The following NFIA variants were observed in gnomAD, a reference collection of about 807,000 sequenced individuals.
NFIA encodes the protein nuclear factor 1 A-type.
A neutral mutation model predicts 62.8 loss-of-function variants in NFIA; 8 were observed. That is an observed-to-expected ratio of 0.13 (90% CI 0.07 to 0.23). The LOEUF (loss-of-function observed/expected upper bound fraction) is 0.23. Among genes scored for constraint, NFIA ranks in the 10% least tolerant of loss-of-function variants. The pLI is 1.00. For synonymous variants in NFIA, 235 were observed against 238.1 expected (o/e 0.99, Z 0.12); for missense variants, 410 against 642.1 (o/e 0.64, Z 3.91).
At chr1:61,402,061 G>A (rs1398885781) in intron 7 of NFIA, among the ~76,000 whole-genome samples, 1 of 86,050 alleles carries the variant, frequency 1.2e-5, no homozygotes, top group East Asian at 5.9e-4. Flanking sequence ...TTTTTGAGAC[G>A]GAGTCTCCCT....
At chr1:61,099,315 C>G (rs1381308755) in intron 2 of NFIA, among the ~76,000 whole-genome samples, 1 of 152,070 alleles carries the variant, frequency 6.6e-6, no homozygotes, top group Non-Finnish European at 1.5e-5. Flanking sequence ...TGGAGGGAAA[C>G]AGACAGATTG....
At chr1:61,328,723 A>ATT (rs35979153) in intron 3 of NFIA, among the ~76,000 whole-genome samples, 1,481 of 108,904 alleles carry the variant, frequency 0.014, 40 homozygotes, top group African/African-American at 0.046. Context: ...CCGGCCTATA[A>ATT]TTTTTTTTTT....
intron 5 of NFIA, among the ~76,000 whole-genome samples, chr1:61,358,390 T>C (rs1255622271): frequency 7.4e-6 from 1 of 134,300 alleles, no homozygotes; most frequent in African/African-American, 2.9e-5. Flanking sequence ...TTTTTTTTTT[T>C]TTTTTTTTTT....
intron 2 of NFIA, among the ~76,000 whole-genome samples, chr1:61,212,161 A>T (rs1653306574): frequency 6.6e-6 from 1 of 152,218 alleles, no homozygotes; most frequent in Non-Finnish European, 1.5e-5. Flanking sequence ...GGGATAAGCA[A>T]GCAAGGAACT....
chr1:61,158,829 CTT>C (rs1648985358), intron 2 of NFIA, among the ~76,000 whole-genome samples: 1 of 152,198 alleles, frequency 6.6e-6, no homozygotes, highest in Admixed American at 6.5e-5. Flanking sequence ...TATTTAAATA[CTT>C]CCAGTTGTGA....
intron 2 of NFIA, among the ~76,000 whole-genome samples, chr1:61,118,239 G>GA (rs1646826613): frequency 6.6e-6 from 1 of 151,538 alleles, no homozygotes; most frequent in South Asian, 2.1e-4. Context: ...TCTGGCTAAA[G>GA]AAAGGAAAAG....
chr1:61,197,850 G>C (rs1652140820), intron 2 of NFIA, among the ~76,000 whole-genome samples: 1 of 151,862 alleles, frequency 6.6e-6, no homozygotes, highest in Admixed American at 6.6e-5. Context: ...GCTTGGTGGT[G>C]GGTGCCAGTA....
In NFIA at chr1:61,455,958, A is replaced by G. The variant is rs1668285475; in HGVS notation, c.*638A>G. The G allele has an allele frequency of 6.5e-6, 1 of 152,772 alleles. No homozygotes were observed. Among genetic ancestry groups the G allele is most frequent in the South Asian group, 2.1e-4 (1 of 4,828 alleles). The allele number at this position is 152,772 out of a possible 1,614,324, so 9.5% of individuals were successfully genotyped here. On this transcript the variant is annotated 3_prime_UTR_variant, in exon 11 of 11. Transcript: ENST00000403491. ...GCCCGCAAGGACAATGAATCCACTCACATTGCAGAACAATTCCGAAAATGG... is the reference window on the plus strand; with the variant it reads ...GCCCGCAAGGACAATGAATCCACTCGCATTGCAGAACAATTCCGAAAATGG...
intron 9 of NFIA, 75 bp from the exon 10 acceptor site, chr1:61,426,390 A>C: frequency 1.0e-6 from 1 of 980,130 alleles, no homozygotes; most frequent in Non-Finnish European, 1.6e-6. Flanking sequence ...CGGCTCGGAG[A>C]CTGTGTGTTT....
At chr1:61,163,378 G>C (rs1468473214) in intron 2 of NFIA, among the ~76,000 whole-genome samples, 1 of 152,108 alleles carries the variant, frequency 6.6e-6, no homozygotes, top group African/African-American at 2.4e-5. Flanking sequence ...TTTTGGATCA[G>C]TTCTTTTCTT....
Position 61,458,905 on chromosome 1 carries a change from G to A in NFIA, c.*3585G>A, listed in dbSNP as rs1668420399. On this transcript the variant is annotated 3_prime_UTR_variant, in exon 11 of 11. Coordinates refer to ENST00000403491, the MANE Select transcript of NFIA (RefSeq NM_001134673.4). The stretch of plus-strand genomic sequence containing the variant: ...ATTTGCAGGAAAAAATGTTTTAAAG[G>A]CTTTAAAACATTAGGGAGGCAGTCT... 1 of 152,024 alleles carries A rather than the reference G, an allele frequency of 6.6e-6. No homozygotes were observed. The highest frequency in any genetic ancestry group is 1.5e-5 in the Non-Finnish European group (1 of 68,004). The allele number at this position is 152,024 out of a possible 1,614,324, so 9.4% of individuals were successfully genotyped here. A position where few individuals can be genotyped will look rare whatever the true frequency, so the allele number is the denominator to read the frequency against.
Position 61,088,645 on chromosome 1 carries a change from T to C in NFIA, c.524T>C (p.Leu175Pro). ...PHHIGVSVKE[L>P]DLYLAYFVHA... is the part of the protein sequence containing the mutation. ...CACATAGGGGTTTCTGTTAAGGAAC[T>C]CGATTTATATTTGGCATACTTTGTG... Residue 175 changes from leucine (L) to proline (P), a missense_variant, in exon 2 of 11, where the codon CTC becomes CCC. This residue lies in a region of NFIA where 298 missense variants were observed against 438.1 expected (regional missense o/e 0.68). Coordinates refer to ENST00000403491, the MANE Select transcript of NFIA (RefSeq NM_001134673.4). This position sits in a 1 kb window ranked among gnomAD's most constrained non-coding sequence, Gnocchi z 4.5. 6.2e-7 allele frequency: 1 copy of C among 1,613,780 alleles called. No homozygotes were observed. The highest frequency in any genetic ancestry group is 8.5e-7 in the Non-Finnish European group (1 of 1,179,828).
intron 2 of NFIA, among the ~76,000 whole-genome samples, chr1:61,210,719 A>T (rs1004639423): frequency 1.3e-5 from 2 of 152,228 alleles, no homozygotes; most frequent in African/African-American, 4.8e-5. Flanking sequence ...TCACTTGTAG[A>T]GAGGGATGAT....
In NFIA at chr1:61,460,414, T is replaced by C. The variant is rs1021166238; in HGVS notation, c.*5094T>C. On this transcript the variant is annotated 3_prime_UTR_variant, in exon 11 of 11. Transcript: ENST00000403491. Reference sequence around the variant, plus strand: ...TAATGTTTAATGCAAATCCATTACATGGTGCTATTATAGGCTGACAAAATG... The same window carrying C: ...TAATGTTTAATGCAAATCCATTACACGGTGCTATTATAGGCTGACAAAATG... 1.2e-4 allele frequency: 19 copies of C among 152,220 alleles called. No homozygotes were observed. The allele number at this position is 152,220 out of a possible 1,614,324, so 9.4% of individuals were successfully genotyped here. A position where few individuals can be genotyped will look rare whatever the true frequency, so the allele number is the denominator to read the frequency against.
rs561425259 is a variant in NFIA, at chr1:61,460,573, A to C, written c.*5253A>C. Reference sequence around the variant, plus strand: ...AAAAACTATATCAACTTTGGTATCTACTTTCCGTTTACTTCAATCCTTGCC... The same window carrying C: ...AAAAACTATATCAACTTTGGTATCTCCTTTCCGTTTACTTCAATCCTTGCC... On this transcript the variant is annotated 3_prime_UTR_variant, in exon 11 of 11. Transcript: ENST00000403491. 1 of 152,340 alleles carries C rather than the reference A, an allele frequency of 6.6e-6. No homozygotes were observed. The highest frequency in any genetic ancestry group is 1.5e-5 in the Non-Finnish European group (1 of 68,022). 9.4% of individuals were successfully genotyped at this position (152,340 alleles called of 1,614,324 possible). A position where few individuals can be genotyped will look rare whatever the true frequency, so the allele number is the denominator to read the frequency against.
intron 4 of NFIA, among the ~76,000 whole-genome samples, chr1:61,333,240 A>C (rs1269051717): frequency 6.6e-6 from 1 of 152,238 alleles, no homozygotes; most frequent in Non-Finnish European, 1.5e-5. Flanking sequence ...AACTACTTCA[A>C]AATACCACTT....
intron 7 of NFIA, among the ~76,000 whole-genome samples, chr1:61,395,438 C>G (rs1665220185): frequency 6.6e-6 from 1 of 152,088 alleles, no homozygotes; most frequent in Non-Finnish European, 1.5e-5. Flanking sequence ...TCCAACAGGT[C>G]ATTGGATGAT....
intron 2 of NFIA, among the ~76,000 whole-genome samples, chr1:61,186,674 C>T (rs1018153399): frequency 2.0e-5 from 3 of 152,144 alleles, no homozygotes; most frequent in South Asian, 4.1e-4. Context: ...GATTAAGTTT[C>T]TTTTTAGGTA....
At chr1:61,146,786 C>A (rs978058413) in intron 2 of NFIA, among the ~76,000 whole-genome samples, 42 of 152,238 alleles carry the variant, frequency 2.8e-4, no homozygotes, top group African/African-American at 1.0e-3. Flanking sequence ...ACACAGAAGA[C>A]GTGTGTAAAG....
Sources: gnomAD v4.1 joint callset for allele counts (sites outside exome capture counted in the v4.1 genomes callset) on GRCh38, gnomAD v4.1.1 for gene constraint, gnomAD v4.1.1 regional missense constraint, Gnocchi (gnomAD v3.1) non-coding constraint, MANE v1.5 for transcripts, NCBI Gene and HGNC (gene_info 2026-07-23, HGNC 2026-07-21) for gene names.